The following APOOL variants were observed in gnomAD, a reference collection of about 807,000 sequenced individuals.
APOOL encodes the protein apolipoprotein O like, also known as MICOS complex subunit MIC27.
In APOOL, 12 loss-of-function variants were observed where a neutral mutation model predicts 23.1. The ratio of observed to expected loss-of-function variants is 0.52; its 90% confidence interval spans 0.33 to 0.84. The LOEUF is 0.84. APOOL is among the 40% of genes least tolerant of loss of function. APOOL has a pLI of 0.02. For synonymous variants in APOOL, 77 were observed against 69.9 expected, an observed-to-expected ratio of 1.10 and a Z score of -0.51; for missense variants, 212 against 199.6, an observed-to-expected ratio of 1.06 and a Z score of -0.37.
rs1013374609 is a variant in APOOL, at chrX:85,092,543, A to G, written c.*4865A>G. 4 of 1,206,199 alleles carry G rather than the reference A, an allele frequency of 3.3e-6. No homozygotes were observed. Among genetic ancestry groups the G allele is most frequent in the African/African-American group, 3.5e-5 (2 of 57,162 alleles). On this transcript the variant is annotated 3_prime_UTR_variant, in exon 9 of 9. Transcript: ENST00000373173. ...ACGACAAGAAAGTGCATGCAGTTAC[A>G]TTGAGTTGTGATGGCTATCTGTTTA...
chrX:85,072,869 A>G (rs1848037681), intron 6 of APOOL, among the ~76,000 whole-genome samples: 1 of 112,317 alleles, frequency 8.9e-6, no homozygotes, highest in Non-Finnish European at 1.9e-5. Flanking sequence ...AATTTAATTG[A>G]AAACATAATT....
intron 1 of APOOL, among the ~76,000 whole-genome samples, chrX:85,005,803 G>A (rs1017241862): frequency 9.0e-6 from 1 of 111,529 alleles, no homozygotes; most frequent in African/African-American, 3.3e-5. Context: ...GTGCTCTGAC[G>A]CTCAAAAGGA....
intron 1 of APOOL, among the ~76,000 whole-genome samples, chrX:85,021,514 C>T (rs755561876): frequency 9.0e-6 from 1 of 111,181 alleles, no homozygotes; most frequent in Non-Finnish European, 1.9e-5. Context: ...AGGGTCCATT[C>T]TCACCCCAAT....
At chrX:85,054,292 T>A (rs1922878844) in intron 3 of APOOL, 52 bp from the exon 4 acceptor site, 14 of 1,092,350 alleles carry the variant, frequency 1.3e-5, no homozygotes, top group Non-Finnish European at 1.7e-5. Flanking sequence ...TTTATCTCAT[T>A]ATCAACAGCT....
In APOOL at chrX:85,093,240, A is replaced by G. The variant is rs1344228677; in HGVS notation, c.*5562A>G. On this transcript the variant is annotated 3_prime_UTR_variant, in exon 9 of 9. Transcript: ENST00000373173. ...AATACCTAGGCCTTTTAAATAGACA[A>G]TGCAAAGTGAAAACTGCAAATTTCA... is the stretch of plus-strand genomic sequence containing the variant. The G allele has an allele frequency of 1.7e-6, 2 of 1,156,155 alleles. No individual in the cohort carries two copies. Among genetic ancestry groups the G allele is most frequent in the East Asian group, 3.3e-5 (1 of 30,562 alleles).
rs984367007 is a variant in APOOL at position 85,081,171 on chromosome X, CA to C, written c.719-6418del. Among the ~76,000 whole-genome samples, 4 of 111,776 alleles carry C rather than the reference CA, an allele frequency of 3.6e-5. No individual in the cohort carries two copies. The Admixed American group carries it at 3.8e-4, about 11-fold the overall frequency. ...TGGTTATTTTGCCCATTAGTTGATGCAGTTTTTTCCTAGCATCGATGGTCTT... is the reference window on the plus strand; with the variant it reads ...TGGTTATTTTGCCCATTAGTTGATGCGTTTTTTCCTAGCATCGATGGTCTT... On this transcript the variant is annotated intron_variant, in intron 8 of 8. Transcript: ENST00000373173.
intron 1 of APOOL, among the ~76,000 whole-genome samples, chrX:85,032,862 C>T (rs779343570): frequency 3.0e-4 from 34 of 111,745 alleles, no homozygotes; most frequent in Non-Finnish European, 6.2e-4. Context: ...TTTTGATGAA[C>T]GTTATATCTT....
rs2147673555 is a variant in APOOL at position 85,088,460 on chromosome X, A to G, written c.*782A>G. 9.6e-6 allele frequency: 1 copy of G among 104,199 alleles called. No individual in the cohort carries two copies. Among genetic ancestry groups the G allele is most frequent in the Non-Finnish European group, 1.9e-5 (1 of 51,324 alleles). 8.6% of individuals were successfully genotyped at this position (104,199 alleles called of 1,213,427 possible). A position where few individuals can be genotyped will look rare whatever the true frequency, so the allele number is the denominator to read the frequency against. ...TAAATATCTAAAAACATCTCTACCT[A>G]TTTGAGAGGGCCATATGCTACACAG... On this transcript the variant is annotated 3_prime_UTR_variant, in exon 9 of 9. Transcript: ENST00000373173.
At chrX:85,058,880 T>C (rs1411401113) in intron 5 of APOOL, among the ~76,000 whole-genome samples, 1 of 111,504 alleles carries the variant, frequency 9.0e-6, no homozygotes, top group East Asian at 2.8e-4. Context: ...TTTTTTTTAA[T>C]TTTATTATTA....
rs969628009 is a variant in APOOL at position 85,032,822 on chromosome X, A to G, written c.16-13624A>G. 5.4e-5 allele frequency among the ~76,000 whole-genome samples: 6 copies of G among 112,031 alleles called. No homozygotes were observed. In the Admixed American group the frequency reaches 5.7e-4, roughly 11 times the overall value. ...ACACTTATTTGTTGTAGGAAACTTA[A>G]GATTGGTCTTTTAAGTGCTAGAGCT... On this transcript the variant is annotated intron_variant, in intron 1 of 8. Transcript: ENST00000373173.
Position 85,046,474 on chromosome X carries a change from G to C in APOOL, c.44G>C (p.Gly15Ala), listed in dbSNP as rs377106387. 4.1e-6 allele frequency: 5 copies of C among 1,206,658 alleles called. No individual in the cohort carries two copies. In the African/African-American group the frequency reaches 7.0e-5, roughly 17 times the overall value. Residue 15 changes from glycine (G) to alanine (A), a missense_variant, in exon 2 of 9, where the codon GGT (glycine) becomes GCT (alanine). Coordinates refer to ENST00000373173, the MANE Select transcript of APOOL (RefSeq NM_198450.6). ...GGAAAACTGACAACCATGCCTGCAG[G>C]TCTGATATATGCATCTGTAAGTGTA... ...RMGKLTTMPA[G>A]LIYASVSVHA... is the part of the protein sequence containing the mutation.
chrX:85,041,322 GC>G (rs927870805), intron 1 of APOOL, among the ~76,000 whole-genome samples: 1 of 111,833 alleles, frequency 8.9e-6, no homozygotes, highest in African/African-American at 3.3e-5. Context: ...TCCCTTCTCA[GC>G]CTGAGTGTAG....
chrX:85,012,373 A>G (rs192225911), intron 1 of APOOL, among the ~76,000 whole-genome samples: 4 of 111,487 alleles, frequency 3.6e-5, no homozygotes, highest in African/African-American at 1.3e-4. Flanking sequence ...TAGGACTTCC[A>G]GTATCATGTT....
intron 5 of APOOL, among the ~76,000 whole-genome samples, chrX:85,056,401 A>G (rs1199126650): frequency 8.9e-6 from 1 of 111,967 alleles, no homozygotes; most frequent in African/African-American, 3.2e-5. Flanking sequence ...AAAGTTACCT[A>G]GAAAACAAAA....
At chrX:85,027,082 C>T (rs973062215) in intron 1 of APOOL, among the ~76,000 whole-genome samples, 1 of 111,914 alleles carries the variant, frequency 8.9e-6, no homozygotes, top group Non-Finnish European at 1.9e-5. Context: ...CACAGTTTTG[C>T]AGGCTTTACA....
Position 85,032,995 on chromosome X carries a change from G to T in APOOL, c.16-13451G>T, listed in dbSNP as rs761637507. ...TGTTGTGTTTGTTATCTAAGTGAAG[G>T]TATAGATAGTGGACCTGAATGGGTA... On this transcript the variant is annotated intron_variant, in intron 1 of 8. Transcript: ENST00000373173. 1.3e-4 allele frequency among the ~76,000 whole-genome samples: 15 copies of T among 112,193 alleles called. No individual in the cohort carries two copies. The South Asian group carries it at 4.8e-3, about 36-fold the overall frequency.
intron 1 of APOOL, among the ~76,000 whole-genome samples, chrX:85,043,517 T>C: frequency 9.0e-6 from 1 of 111,408 alleles, no homozygotes; most frequent in Non-Finnish European, 1.9e-5. Flanking sequence ...TCTTTAAATA[T>C]GTTTTTTAAA....
chrX:85,055,815 T>G lies in APOOL; in HGVS notation c.296-12T>G. 1 of 1,153,183 alleles carries G rather than the reference T, an allele frequency of 8.7e-7. No individual in the cohort carries two copies. The highest frequency in any genetic ancestry group is 1.2e-6 in the Non-Finnish European group (1 of 852,300). ...TCAGTTATTCATGTTAATTTTTAAC[T>G]GATTTCTTGAGATGCTTATGTCTAT... On this transcript the variant is annotated splice_polypyrimidine_tract_variant and intron_variant, in intron 4 of 8. Transcript: ENST00000373173.
intron 1 of APOOL, among the ~76,000 whole-genome samples, chrX:85,035,409 A>G (rs1420559203): frequency 1.8e-5 from 2 of 110,204 alleles, no homozygotes; most frequent in South Asian, 7.7e-4. Context: ...TCAGTAAGTT[A>G]TCTGTTTAAT....
Sources: allele counts gnomAD v4.1 joint callset (sites outside exome capture counted in the v4.1 genomes callset), GRCh38; gene constraint gnomAD v4.1.1; transcripts MANE v1.5; gene names NCBI Gene and HGNC (gene_info 2026-07-23, HGNC 2026-07-21).